The following SPECC1 variants were observed in gnomAD, a reference collection of about 807,000 sequenced individuals.
SPECC1 encodes cytospin-B.
In SPECC1, 62 loss-of-function variants were observed where a neutral mutation model predicts 104.1. That is an observed-to-expected ratio of 0.60 (90% CI 0.49 to 0.74). SPECC1 has a LOEUF of 0.74. Among genes scored for constraint, SPECC1 ranks in the 30% least tolerant of loss-of-function variants. The probability of loss-of-function intolerance (pLI) is 0.00; values close to 1 mark genes in which losing one functional copy is unlikely to be tolerated. For missense variants in SPECC1, 1,306 were observed against 1,310.5 expected (o/e 1.00, Z 0.05); for synonymous variants, 513 against 501.6 (o/e 1.02, Z -0.30).
At chr17:20,140,309 CTATGATTTCCAGTTTTAGTTTT>C (rs2030618508) in intron 3 of SPECC1, among the ~76,000 whole-genome samples, 1 of 152,038 alleles carries the variant, frequency 6.6e-6, no homozygotes, top group African/African-American at 2.4e-5. Flanking sequence ...CTTATATCTC[CTATGATTTCCAGTTTTAGTTTT>C]TTTAAACATG....
intron 4 of SPECC1, among the ~76,000 whole-genome samples, chr17:20,216,802 C>T (rs118187131): frequency 0.012 from 1,883 of 152,002 alleles, 21 homozygotes; most frequent in Non-Finnish European, 0.02. Flanking sequence ...TCAAGGGAAA[C>T]GTTGAAAATC....
At chr17:20,255,946 C>T (rs916794285) in intron 10 of SPECC1, among the ~76,000 whole-genome samples, 11 of 151,842 alleles carry the variant, frequency 7.2e-5, no homozygotes, top group African/African-American at 1.2e-4. Context: ...GGCGTGAGCT[C>T]GGCTCACTGC....
Position 20,096,817 on chromosome 17 carries a change from A to G in SPECC1, c.147+19A>G, listed in dbSNP as rs761589578. On this transcript the variant is annotated intron_variant, in intron 2 of 14. Transcript: ENST00000395527. ...CAGCAGGGTATGGATCAAAATGCAC[A>G]GGGCCAGGCAGAGCGCCTGGATACC... The G allele has an allele frequency of 1.9e-6, 3 of 1,600,980 alleles. No individual in the cohort carries two copies. The highest frequency in any genetic ancestry group is 2.7e-5 in the African/African-American group (2 of 74,764).
chr17:20,047,479 C>T (rs1180496772), intron 1 of SPECC1, among the ~76,000 whole-genome samples: 1 of 152,196 alleles, frequency 6.6e-6, no homozygotes, highest in Non-Finnish European at 1.5e-5. Flanking sequence ...GCTATAGATT[C>T]AGTTACTCAA....
intron 1 of SPECC1, among the ~76,000 whole-genome samples, chr17:20,022,986 CT>C (rs1338138776): frequency 6.6e-6 from 1 of 152,176 alleles, no homozygotes; most frequent in African/African-American, 2.4e-5. Flanking sequence ...TCTTTTCAAC[CT>C]TTTCTGGATC....
chr17:20,271,665 G>A (rs2040411708), intron 12 of SPECC1, among the ~76,000 whole-genome samples: 1 of 152,086 alleles, frequency 6.6e-6, no homozygotes, highest in African/African-American at 2.4e-5. Flanking sequence ...TTCCATCATG[G>A]CTGCCCTCTA....
At chr17:20,152,900 C>G (rs916251647) in intron 3 of SPECC1, among the ~76,000 whole-genome samples, 1 of 152,110 alleles carries the variant, frequency 6.6e-6, no homozygotes, top group Non-Finnish European at 1.5e-5. Flanking sequence ...CTCTTGACCT[C>G]GTGATCTGCC....
intron 13 of SPECC1, among the ~76,000 whole-genome samples, chr17:20,298,948 A>AGTGTGTGTGTGTGT (rs1555535565): frequency 2.0e-5 from 1 of 49,072 alleles, no homozygotes; most frequent in African/African-American, 9.3e-5. Context: ...AGAGAGAGAG[A>AGTGTGTGTGTGTGT]GTGTGTGTGT....
At chr17:20,221,709 C>T (rs557431432) in intron 4 of SPECC1, among the ~76,000 whole-genome samples, 8 of 151,610 alleles carry the variant, frequency 5.3e-5, no homozygotes, top group Non-Finnish European at 8.8e-5. Context: ...TCTTGCTTTT[C>T]TGGTTATTTA....
intron 10 of SPECC1, among the ~76,000 whole-genome samples, chr17:20,256,239 T>C (rs866049829): frequency 2.0e-5 from 3 of 152,170 alleles, no homozygotes; most frequent in Admixed American, 6.5e-5. Flanking sequence ...CTTATTGCTC[T>C]GCAGTTAATA....
intron 7 of SPECC1, among the ~76,000 whole-genome samples, chr17:20,242,333 A>T (rs988480849): frequency 6.6e-6 from 1 of 152,254 alleles, no homozygotes; most frequent in Admixed American, 6.5e-5. Context: ...AGAGACATGT[A>T]TGTATATGTG....
chr17:20,107,417 T>C (rs2152519509), intron 2 of SPECC1, among the ~76,000 whole-genome samples: 1 of 151,110 alleles, frequency 6.6e-6, no homozygotes, highest in Non-Finnish European at 1.5e-5. Context: ...AAGACCAGCC[T>C]GGGCAACATA....
chr17:20,209,766 T>C (rs562463203), intron 4 of SPECC1, among the ~76,000 whole-genome samples: 10 of 152,228 alleles, frequency 6.6e-5, no homozygotes, highest in Non-Finnish European at 1.3e-4. Flanking sequence ...TGTATGGGAT[T>C]GTTGTTTTTC....
At chr17:20,043,827 G>C (rs989108592) in intron 1 of SPECC1, among the ~76,000 whole-genome samples, 18 of 152,152 alleles carry the variant, frequency 1.2e-4, no homozygotes, top group African/African-American at 4.1e-4. Flanking sequence ...AATTATAGTA[G>C]TTACTCGTAG....
At chr17:20,115,529 G>A (rs960107887) in intron 3 of SPECC1, among the ~76,000 whole-genome samples, 11 of 151,856 alleles carry the variant, frequency 7.2e-5, no homozygotes, top group Non-Finnish European at 7.4e-5. Flanking sequence ...AAATATTAGT[G>A]CATAGGATTC....
intron 7 of SPECC1, chr17:20,238,535 C>T (rs1457673858): frequency 1.9e-6 from 2 of 1,042,184 alleles, no homozygotes; most frequent in Non-Finnish European, 2.3e-6. Context: ...CAGGAATGCT[C>T]TTTAAACTCA....
intron 1 of SPECC1, among the ~76,000 whole-genome samples, chr17:20,047,271 C>T (rs1407551368): frequency 2.0e-5 from 3 of 152,120 alleles, no homozygotes; most frequent in African/African-American, 4.8e-5. Context: ...CACTTTCTCT[C>T]CCTTCTGGCT....
At chr17:20,065,974 C>G (rs75270099) in intron 1 of SPECC1, among the ~76,000 whole-genome samples, 4 of 152,188 alleles carry the variant, frequency 2.6e-5, no homozygotes, top group Admixed American at 6.5e-5. Flanking sequence ...AATTTGTTAT[C>G]TATATCTATC....
intron 1 of SPECC1, among the ~76,000 whole-genome samples, chr17:20,051,854 A>G (rs1177448294): frequency 6.6e-6 from 1 of 152,192 alleles, no homozygotes; most frequent in African/African-American, 2.4e-5. Context: ...AGCATGGGAA[A>G]ATAGAAGCAT....
Sources: allele counts gnomAD v4.1 joint callset (sites outside exome capture counted in the v4.1 genomes callset), GRCh38; gene constraint gnomAD v4.1.1; transcripts MANE v1.5; gene names NCBI Gene and HGNC (gene_info 2026-07-23, HGNC 2026-07-21).